Variants in RUSC2 observed in about 807,000 individuals in gnomAD.
The protein encoded by RUSC2 is AP-4 complex accessory subunit RUSC2.
In RUSC2, 34 loss-of-function variants were observed where a neutral mutation model predicts 122.2. The ratio of observed to expected loss-of-function variants is 0.28; its 90% CI spans 0.21 to 0.37. The LOEUF is 0.37. RUSC2 is among the 10% of genes least tolerant of loss of function. The probability of loss-of-function intolerance (pLI) is 1.00; values close to 1 mark genes in which losing one functional copy is unlikely to be tolerated. For synonymous variants in RUSC2, 784 were observed against 790.0 expected (o/e 0.99, Z 0.13); for missense variants, 1,747 against 1,952.4 (o/e 0.89, Z 1.98).
chr9:35,549,098 G>A (rs1366894189), intron 2 of RUSC2: 1 of 985,148 alleles, frequency 1.0e-6, no homozygotes, highest in Non-Finnish European at 1.2e-6. Context: ...CTGACATATT[G>A]GGAAATGAAG....
At chr9:35,518,892 A>C (rs2132514589) in intron 1 of RUSC2, among the ~76,000 whole-genome samples, 1 of 152,242 alleles carries the variant, frequency 6.6e-6, no homozygotes, top group East Asian at 1.9e-4. Flanking sequence ...GTTGAGTGGC[A>C]GTCTTTCTTT....
At chr9:35,526,719 CA>C (rs1821331436) in intron 1 of RUSC2, among the ~76,000 whole-genome samples, 1 of 152,152 alleles carries the variant, frequency 6.6e-6, no homozygotes, top group African/African-American at 2.4e-5. Context: ...TTCAAGGTTG[CA>C]GTGAGCTGGG....
At chr9:35,549,730 T>C (rs1821844963) in intron 2 of RUSC2, among the ~76,000 whole-genome samples, 1 of 152,238 alleles carries the variant, frequency 6.6e-6, no homozygotes, top group Non-Finnish European at 1.5e-5. Context: ...TGACCCTTTC[T>C]AGGAACTGCA....
chr9:35,501,636 GAGATAA>G (rs1462856016), intron 1 of RUSC2, among the ~76,000 whole-genome samples: 1 of 152,198 alleles, frequency 6.6e-6, no homozygotes, highest in Admixed American at 6.5e-5. Flanking sequence ...AAGGTAGAAA[GAGATAA>G]AGATAAATGG....
At position 35,555,745 on chromosome 9, in the gene RUSC2, A is replaced by G; in HGVS notation, c.2656+44A>G. On this transcript the variant is annotated intron_variant, in intron 3 of 11. Coordinates refer to ENST00000361226, the MANE Select transcript of RUSC2 (RefSeq NM_014806.5). This position sits in a 1 kb window ranked among gnomAD's most constrained non-coding sequence, Gnocchi z 4.6. Reference sequence around the variant, plus strand: ...CCCTACCCAACCCGCCACCTCACGCAAGCACTTCCACCACCTCCCCTTTGA... The same window carrying G: ...CCCTACCCAACCCGCCACCTCACGCGAGCACTTCCACCACCTCCCCTTTGA... 2 of 1,553,098 alleles carry G rather than the reference A, an allele frequency of 1.3e-6. No individual in the cohort carries two copies.
chr9:35,514,699 A>T (rs1821070800), intron 1 of RUSC2, among the ~76,000 whole-genome samples: 1 of 152,144 alleles, frequency 6.6e-6, no homozygotes, highest in Non-Finnish European at 1.5e-5. Context: ...CTCATCAGCA[A>T]CGGAAGTACA....
chr9:35,490,301 T>C, intron 1 of RUSC2, 129 bp downstream of exon 1: 2 of 154,080 alleles, frequency 1.3e-5, no homozygotes, highest in Non-Finnish European at 2.9e-5. Context: ...CTTCAGCCCT[T>C]CCCCCTCGGC....
In RUSC2 at chr9:35,560,568, G is replaced by A; in HGVS notation, c.3928G>A (p.Gly1310Arg). 6.2e-7 allele frequency: 1 copy of A among 1,614,132 alleles called. No homozygotes were observed. Among genetic ancestry groups the A allele is most frequent in the Non-Finnish European group, 8.5e-7 (1 of 1,179,998 alleles). Residue 1310 changes from glycine (G) to arginine (R), a missense_variant, in exon 10 of 12, where the codon GGA (glycine) becomes AGA (arginine). Physicochemically the swap from Gly to Arg is moderately radical, Grantham distance 125 (BLOSUM62 -2). Transcript: ENST00000361226. ...SEKKKGAGGG[G>R]PPQAPPPREG... is the part of the protein sequence containing the mutation. ...GAAAAAGAAAGGGGCAGGAGGTGGGGGACCTCCCCAGGCTCCACCACCCCG... is the reference window on the plus strand; with the variant it reads ...GAAAAAGAAAGGGGCAGGAGGTGGGAGACCTCCCCAGGCTCCACCACCCCG...
At chr9:35,495,037 A>T (rs1371804167) in intron 1 of RUSC2, among the ~76,000 whole-genome samples, 1 of 85,390 alleles carries the variant, frequency 1.2e-5, no homozygotes, top group East Asian at 2.8e-4. Context: ...TATTATATAT[A>T]CTATAGTATA....
In RUSC2 at chr9:35,555,291, A is replaced by T. The variant is rs1438492429; in HGVS notation, c.2246A>T (p.Glu749Val). 1 of 1,613,804 alleles carries T rather than the reference A, an allele frequency of 6.2e-7. No homozygotes were observed. Among genetic ancestry groups the T allele is most frequent in the Non-Finnish European group, 8.5e-7 (1 of 1,179,986 alleles). ...AQVSVPAPSG[E>V]PQASTPRATG... ...GTCTCAGTCCCAGCTCCCTCAGGGGAACCGCAGGCATCCACTCCCCGAGCC... is the reference window on the plus strand; with the variant it reads ...GTCTCAGTCCCAGCTCCCTCAGGGGTACCGCAGGCATCCACTCCCCGAGCC... The change falls in exon 3 of 12, where the codon GAA becomes GTA. Residue 749 changes from glutamate to valine, a missense_variant. By Grantham distance (121) the Glu-to-Val change is moderately radical (BLOSUM62 -2). Coordinates refer to ENST00000361226, the MANE Select transcript of RUSC2 (RefSeq NM_014806.5). This position sits in a 1 kb window ranked among gnomAD's most constrained non-coding sequence, Gnocchi z 4.6.
chr9:35,523,673 G>C (rs1821261909), intron 1 of RUSC2, among the ~76,000 whole-genome samples: 1 of 151,846 alleles, frequency 6.6e-6, no homozygotes, highest in South Asian at 2.1e-4. Context: ...AAATTAGCCA[G>C]GCATGGTGGT....
At chr9:35,559,725 ACT>A (rs1031533640) in intron 9 of RUSC2, among the ~76,000 whole-genome samples, 1 of 152,076 alleles carries the variant, frequency 6.6e-6, no homozygotes. Flanking sequence ...ACAGAGTGAG[ACT>A]CAGTCTCAAA....
At chr9:35,529,560 C>G (rs1258401933) in intron 1 of RUSC2, among the ~76,000 whole-genome samples, 1 of 150,250 alleles carries the variant, frequency 6.7e-6, no homozygotes, top group Non-Finnish European at 1.5e-5. Context: ...ACTTTGCAGC[C>G]TTTGCTAATG....
Position 35,561,712 on chromosome 9 carries a change from C to A in RUSC2, c.*330C>A. The A allele has an allele frequency of 1.9e-6, 1 of 532,398 alleles. No homozygotes were observed. The highest frequency in any genetic ancestry group is 3.2e-5 in the East Asian group (1 of 31,344). 33.0% of individuals were successfully genotyped at this position (532,398 alleles called of 1,614,324 possible). A position where few individuals can be genotyped will look rare whatever the true frequency, so the allele number is the denominator to read the frequency against. ...CCCAGAAAGCCATCTACAGGGTTCC[C>A]TAGGCCAGGTGGAGATGAGGATGGG... On this transcript the variant is annotated 3_prime_UTR_variant, in exon 12 of 12. Transcript: ENST00000361226.
chr9:35,516,022 A>AG (rs1554724502), intron 1 of RUSC2, among the ~76,000 whole-genome samples: 3 of 127,204 alleles, frequency 2.4e-5, no homozygotes, highest in East Asian at 2.1e-4. Flanking sequence ...AAAAAAAAAA[A>AG]AGAGAAATGC....
rs376127269 is a variant in RUSC2, at chr9:35,555,942, C to A, written c.2657-10C>A. On this transcript the variant is annotated splice_polypyrimidine_tract_variant and intron_variant, in intron 3 of 11. Coordinates refer to ENST00000361226, the MANE Select transcript of RUSC2 (RefSeq NM_014806.5). The surrounding 1 kb of genome is among the most constrained non-coding windows in gnomAD (Gnocchi z 4.6). ...ACTCTTGTCTTTCTGCTAATCTGTT[C>A]TGCTTCCAGCCAACCACCTATCCCC... 5.0e-6 allele frequency: 8 copies of A among 1,613,074 alleles called. No individual in the cohort carries two copies. The African/African-American group carries it at 1.1e-4, about 22-fold the overall frequency.
intron 1 of RUSC2, among the ~76,000 whole-genome samples, chr9:35,501,743 C>T (rs1820820936): frequency 6.6e-6 from 1 of 152,310 alleles, no homozygotes; most frequent in Admixed American, 6.5e-5. Flanking sequence ...ATATGTGCTG[C>T]ATACATACAG....
intron 1 of RUSC2, among the ~76,000 whole-genome samples, chr9:35,516,730 C>T (rs1821116747): frequency 6.6e-6 from 1 of 152,126 alleles, no homozygotes; most frequent in Admixed American, 6.5e-5. Context: ...CCACCAGGGT[C>T]AGAATTCTAA....
At chr9:35,502,222 C>T (rs1194474285) in intron 1 of RUSC2, among the ~76,000 whole-genome samples, 1 of 152,164 alleles carries the variant, frequency 6.6e-6, no homozygotes, top group Non-Finnish European at 1.5e-5. Context: ...TAGCATGACT[C>T]TTAGATCTAA....
Sources: gnomAD v4.1 joint callset for allele counts (sites outside exome capture counted in the v4.1 genomes callset) on GRCh38, gnomAD v4.1.1 for gene constraint, Gnocchi (gnomAD v3.1) non-coding constraint, MANE v1.5 for transcripts, NCBI Gene and HGNC (gene_info 2026-07-23, HGNC 2026-07-21) for gene names.